Variants in VPS35 observed in about 807,000 individuals in gnomAD.
The protein encoded by VPS35 is VPS35 retromer complex component, also known as vacuolar protein sorting-associated protein 35.
VPS35 carries 21 observed loss-of-function variants against 98.1 expected under a neutral mutation model. That is an observed-to-expected ratio of 0.21 (90% confidence interval 0.15 to 0.31). The LOEUF (loss-of-function observed/expected upper bound fraction) is 0.31, where lower values mean the gene tolerates loss of function less well. Ranked by LOEUF, VPS35 falls within the 10% of genes least tolerant of loss-of-function variation. The probability of loss-of-function intolerance (pLI) is 1.00; values close to 1 mark genes in which losing one functional copy is unlikely to be tolerated. For missense variants in VPS35, 554 were observed against 950.8 expected (o/e 0.58, Z 5.49); for synonymous variants, 268 against 318.2 (o/e 0.84, Z 1.68).
intron 12 of VPS35, 38 bp downstream of exon 12, chr16:46,671,667 G>A: frequency 6.2e-7 from 1 of 1,613,400 alleles, no homozygotes; most frequent in Non-Finnish European, 8.5e-7. Context: ...GATTTCACTA[G>A]GAGCTGATAC....
At chr16:46,679,248 G>C in intron 5 of VPS35, 92 bp from the exon 6 acceptor site, 1 of 1,120,300 alleles carries the variant, frequency 8.9e-7, no homozygotes, top group Non-Finnish European at 1.3e-6. Context: ...TATCTCTATA[G>C]TACACCAATG....
At chr16:46,683,968 C>T (rs191540843) in intron 1 of VPS35, among the ~76,000 whole-genome samples, 6 of 152,272 alleles carry the variant, frequency 3.9e-5, no homozygotes, top group Non-Finnish European at 7.4e-5. Flanking sequence ...CCTCGTGATT[C>T]GCCTGCCTCG....
At chr16:46,687,868 T>C (rs1483706717) in intron 1 of VPS35, among the ~76,000 whole-genome samples, 2 of 151,960 alleles carry the variant, frequency 1.3e-5, no homozygotes, top group African/African-American at 4.8e-5. Context: ...CCAATAAAAT[T>C]CATGAGGACA....
chr16:46,688,612 C>A, intron 1 of VPS35: 1 of 1,002,602 alleles, frequency 1.0e-6, no homozygotes, highest in Non-Finnish European at 1.2e-6. Context: ...ACACTGCAGC[C>A]GAAGGCGGGT....
chr16:46,669,317 T>C, intron 12 of VPS35: 1 of 432,664 alleles, frequency 2.3e-6, no homozygotes. Context: ...GAAGCAAAGA[T>C]ATATTTAAAT....
chr16:46,672,287 G>A lies in VPS35; in HGVS notation c.1346C>T (p.Thr449Ile), dbSNP rs1966080668. 2 of 1,613,546 alleles carry A rather than the reference G, an allele frequency of 1.2e-6. No individual in the cohort carries two copies. The highest frequency in any genetic ancestry group is 2.7e-5 in the African/African-American group (2 of 74,900). Residue 449 changes from threonine to isoleucine, a missense_variant, in exon 11 of 17, where the codon ACA (threonine) becomes ATA (isoleucine). This residue lies in a region of VPS35 where 254 missense variants were observed against 390.1 expected (regional missense o/e 0.65). Transcript: ENST00000299138. ...TACCTGGTCTTGAGAGACAATTTCT[G>A]TGTTATAATCCAGAACATTACTAAG... ...YVLSNVLDYN[T>I]EIVSQDQVDS... is the part of the protein sequence containing the mutation.
At position 46,689,009 on chromosome 16, in the gene VPS35, CTGGTCTTAATCCCGAACGGT is replaced by C. The variant is rs769231965; in HGVS notation, c.3+102_3+121del. ...CCCCTATCCCGCAGGCCAAATCGGG[CTGGTCTTAATCCCGAACGGT>C]CTGTGGGGCCCCTTCTCCACTCGCT... On this transcript the variant is annotated intron_variant, in intron 1 of 16. Coordinates refer to ENST00000299138, the MANE Select transcript of VPS35 (RefSeq NM_018206.6). 18 of 1,549,506 alleles carry C rather than the reference CTGGTCTTAATCCCGAACGGT, an allele frequency of 1.2e-5. No individual in the cohort carries two copies. In the African/African-American group the frequency reaches 2.3e-4, roughly 20 times the overall value.
chr16:46,681,348 CA>C, intron 4 of VPS35, 28 bp downstream of exon 4: 1 of 1,612,986 alleles, frequency 6.2e-7, no homozygotes, highest in Non-Finnish European at 8.5e-7. Flanking sequence ...AATACAGACA[CA>C]AAAGTTCTCT....
chr16:46,672,543 A>G (rs560831455), intron 10 of VPS35, 71 bp from the exon 11 acceptor site: 47 of 1,401,082 alleles, frequency 3.4e-5, no homozygotes, highest in Non-Finnish European at 4.1e-5. Context: ...CATTTGTTCC[A>G]TAAGAATTTG....
intron 10 of VPS35, among the ~76,000 whole-genome samples, chr16:46,672,909 T>C (rs553389571): frequency 6.6e-6 from 1 of 152,338 alleles, no homozygotes; most frequent in South Asian, 2.1e-4. Flanking sequence ...ACATAAACTA[T>C]TTCTTCTGCA....
intron 16 of VPS35, 130 bp from the exon 17 acceptor site, chr16:46,660,781 A>T: frequency 4.1e-6 from 2 of 487,936 alleles, no homozygotes; most frequent in Non-Finnish European, 3.8e-6. Context: ...AAAAAGAAAG[A>T]TGGGGATACA....
rs1965894333 is a variant in VPS35 at position 46,660,433 on chromosome 16, G to A, written c.*39C>T. ...AACCTAGCGTAATAAAACCCTCACT[G>A]GATGTACATGGAAAGGAGTATGGTG... On this transcript the variant is annotated 3_prime_UTR_variant, in exon 17 of 17. Coordinates refer to ENST00000299138, the MANE Select transcript of VPS35 (RefSeq NM_018206.6). 6.2e-7 allele frequency: 1 copy of A among 1,608,780 alleles called. No homozygotes were observed. The highest frequency in any genetic ancestry group is 8.5e-7 in the Non-Finnish European group (1 of 1,178,392).
In VPS35 at chr16:46,660,393, A is replaced by C; in HGVS notation, c.*79T>G. 6.3e-7 allele frequency: 1 copy of C among 1,576,756 alleles called. No homozygotes were observed. Among genetic ancestry groups the C allele is most frequent in the South Asian group, 1.1e-5 (1 of 90,296 alleles). ...CTACCTCAGCATTTCTGAAAGGCAC[A>C]ATCTATGGAAGGGAAACCTAGCGTA... On this transcript the variant is annotated 3_prime_UTR_variant, in exon 17 of 17. Transcript: ENST00000299138.
At chr16:46,660,694 C>T (rs1965899018) in intron 16 of VPS35, 43 bp from the exon 17 acceptor site, 1 of 1,566,592 alleles carries the variant, frequency 6.4e-7, no homozygotes. Flanking sequence ...GCACGTACCA[C>T]AAAAAATGAA....
Position 46,660,275 on chromosome 16 carries a change from G to T in VPS35, c.*197C>A. On this transcript the variant is annotated 3_prime_UTR_variant, in exon 17 of 17. Transcript: ENST00000299138. ...CTACTTGGGGTGATCAGAAAGACTT[G>T]AACACTTACCAAGTGAATAATTTTA... The T allele has an allele frequency of 1.1e-5, 4 of 373,624 alleles. No individual in the cohort carries two copies. The highest frequency in any genetic ancestry group is 4.4e-5 in the Admixed American group (1 of 22,616). 23.1% of individuals were successfully genotyped at this position (373,624 alleles called of 1,614,324 possible).
Position 46,656,864 on chromosome 16 carries a change from G to A in VPS35, c.*3608C>T, listed in dbSNP as rs899836530. ...GTACTAAAAATACAAAAATTAGCCA[G>A]GCATGGTGGTGCACGCCTGTAATCC... On this transcript the variant is annotated 3_prime_UTR_variant, in exon 17 of 17. Coordinates refer to ENST00000299138, the MANE Select transcript of VPS35 (RefSeq NM_018206.6). The A allele has an allele frequency of 1.2e-4, 19 of 152,218 alleles. No homozygotes were observed. The highest frequency in any genetic ancestry group is 4.6e-4 in the African/African-American group (19 of 41,434). 9.4% of individuals were successfully genotyped at this position (152,218 alleles called of 1,614,324 possible). A position where few individuals can be genotyped will look rare whatever the true frequency, so the allele number is the denominator to read the frequency against.
chr16:46,688,931 G>C, intron 1 of VPS35, 200 bp downstream of exon 1: 1 of 1,471,206 alleles, frequency 6.8e-7, no homozygotes, highest in Non-Finnish European at 9.0e-7. Context: ...GCAGCCAAGA[G>C]CCGCCGCCCA....
intron 12 of VPS35, 66 bp downstream of exon 12, chr16:46,671,639 T>G: frequency 6.2e-7 from 1 of 1,600,744 alleles, no homozygotes; most frequent in Non-Finnish European, 8.6e-7. Flanking sequence ...TTAAACCATT[T>G]TAAGCACTTG....
intron 1 of VPS35, among the ~76,000 whole-genome samples, chr16:46,686,718 G>T (rs1276905847): frequency 6.6e-6 from 1 of 152,156 alleles, no homozygotes; most frequent in East Asian, 1.9e-4. Flanking sequence ...TTAAACACAA[G>T]CCAATTAACC....
Sources: gnomAD v4.1 joint callset for allele counts (sites outside exome capture counted in the v4.1 genomes callset) on GRCh38, gnomAD v4.1.1 for gene constraint, gnomAD v4.1.1 regional missense constraint, MANE v1.5 for transcripts, NCBI Gene and HGNC (gene_info 2026-07-23, HGNC 2026-07-21) for gene names.